The following SERPINB7 variants were observed in gnomAD, a reference collection of about 807,000 sequenced individuals.
SERPINB7 encodes the protein serpin B7.
In SERPINB7, 31 loss-of-function variants were observed where a neutral mutation model predicts 37.4. The ratio of observed to expected loss-of-function variants is 0.83; its 90% CI spans 0.62 to 1.12. The LOEUF is 1.12. SERPINB7 is among the 50% of genes most tolerant of loss of function. The pLI is 0.00. For synonymous variants in SERPINB7, 163 were observed against 166.1 expected (o/e 0.98, Z 0.14); for missense variants, 521 against 455.3 (o/e 1.14, Z -1.31).
At chr18:63,756,052 C>T (rs919873256) in intron 1 of SERPINB7, among the ~76,000 whole-genome samples, 1 of 150,902 alleles carries the variant, frequency 6.6e-6, no homozygotes, top group Non-Finnish European at 1.5e-5. Flanking sequence ...ACATCACTTA[C>T]AGCATAATAC....
chr18:63,783,226 G>GAAAGAA (rs1568207832), intron 2 of SERPINB7, among the ~76,000 whole-genome samples: 1 of 62,770 alleles, frequency 1.6e-5, no homozygotes, highest in African/African-American at 5.8e-5. Flanking sequence ...GAGAGAGAGA[G>GAAAGAA]AGAGAGAGAA....
chr18:63,772,211 A>G (rs1257281397), upstream of SERPINB7, among the ~76,000 whole-genome samples: 2 of 152,044 alleles, frequency 1.3e-5, no homozygotes, highest in African/African-American at 4.8e-5. Context: ...AATAATGTCT[A>G]AAGTTTCCTT....
chr18:63,803,913 C>T (rs1056923912), intron 7 of SERPINB7, among the ~76,000 whole-genome samples: 13 of 152,186 alleles, frequency 8.5e-5, no homozygotes, highest in African/African-American at 3.1e-4. Context: ...CTCTAATGGT[C>T]TCAAATTCCC....
At chr18:63,788,763 C>A (rs186221401) in intron 2 of SERPINB7, among the ~76,000 whole-genome samples, 1 of 152,298 alleles carries the variant, frequency 6.6e-6, no homozygotes, top group Non-Finnish European at 1.5e-5. Context: ...CTTTTCTATT[C>A]TTAGATGTAT....
chr18:63,798,094 T>C (rs1208548989), intron 5 of SERPINB7, among the ~76,000 whole-genome samples: 1 of 152,260 alleles, frequency 6.6e-6, no homozygotes, highest in African/African-American at 2.4e-5. Context: ...AGCTCAATGA[T>C]GGCACAGGCT....
intron 1 of SERPINB7, among the ~76,000 whole-genome samples, chr18:63,753,675 T>A (rs1488585688): frequency 1.3e-5 from 2 of 152,234 alleles, no homozygotes; most frequent in Non-Finnish European, 2.9e-5. Context: ...AATACAACCA[T>A]GATGATAATT....
intron 2 of SERPINB7, among the ~76,000 whole-genome samples, chr18:63,790,884 C>T (rs926371707): frequency 6.6e-6 from 1 of 152,144 alleles, no homozygotes; most frequent in Non-Finnish European, 1.5e-5. Context: ...GACTTGGAAC[C>T]AACCCAAATG....
intron 6 of SERPINB7, among the ~76,000 whole-genome samples, chr18:63,799,808 G>T (rs1014805993): frequency 6.6e-6 from 1 of 152,116 alleles, no homozygotes; most frequent in African/African-American, 2.4e-5. Flanking sequence ...TTGGTTCAAG[G>T]ACAGAGAATT....
intron 1 of SERPINB7, among the ~76,000 whole-genome samples, chr18:63,777,121 C>T (rs1177706227): frequency 2.0e-5 from 3 of 152,064 alleles, no homozygotes; most frequent in African/African-American, 4.8e-5. Context: ...GGACAGCTCA[C>T]CTGCCTCCCT....
chr18:63,769,488 T>C (rs1242709457), intron 1 of SERPINB7, among the ~76,000 whole-genome samples: 1 of 152,188 alleles, frequency 6.6e-6, no homozygotes, highest in South Asian at 2.1e-4. Flanking sequence ...TTTTGCCATA[T>C]GAATTGAGAC....
intron 1 of SERPINB7, chr18:63,777,813 T>C (rs2049263470): frequency 6.6e-6 from 1 of 151,846 alleles, no homozygotes; most frequent in African/African-American, 2.4e-5. Flanking sequence ...ACTTCCTCTA[T>C]GAAGACAGTA....
At chr18:63,794,220 C>T (rs2049461365) in intron 4 of SERPINB7, among the ~76,000 whole-genome samples, 1 of 151,118 alleles carries the variant, frequency 6.6e-6, no homozygotes, top group African/African-American at 2.4e-5. Flanking sequence ...CATCAGCCGC[C>T]CAAAGTGCTG....
intron 1 of SERPINB7, among the ~76,000 whole-genome samples, chr18:63,764,165 G>A (rs533597494): frequency 3.9e-5 from 6 of 152,104 alleles, no homozygotes; most frequent in Non-Finnish European, 8.8e-5. Flanking sequence ...AACCTGATAG[G>A]CTTGGATGAA....
At chr18:63,792,250 A>G (rs1012985376) in intron 2 of SERPINB7, 143 bp from the exon 3 acceptor site, 14 of 557,178 alleles carry the variant, frequency 2.5e-5, no homozygotes, top group Middle Eastern at 2.7e-4. Flanking sequence ...TCATGGGGAG[A>G]ATCTGCTCTA....
chr18:63,792,560 C>T, intron 3 of SERPINB7, 117 bp downstream of exon 3: 1 of 652,644 alleles, frequency 1.5e-6, no homozygotes, highest in Non-Finnish European at 2.7e-6. Flanking sequence ...CCCAGGAGTT[C>T]AAGACCAGCC....
At chr18:63,800,746 A>C in intron 6 of SERPINB7, 120 bp from the exon 7 acceptor site, 1 of 1,049,984 alleles carries the variant, frequency 9.5e-7, no homozygotes, top group Non-Finnish European at 1.4e-6. Context: ...TGTCAGGAAA[A>C]AATCTGCAGG....
At chr18:63,799,346 C>A (rs1052092229) in intron 6 of SERPINB7, among the ~76,000 whole-genome samples, 14 of 152,212 alleles carry the variant, frequency 9.2e-5, no homozygotes, top group African/African-American at 3.4e-4. Context: ...AAAGCTCTTG[C>A]AGTCAGGAAT....
At chr18:63,803,222 G>T (rs1224028347) in intron 7 of SERPINB7, among the ~76,000 whole-genome samples, 3 of 151,890 alleles carry the variant, frequency 2.0e-5, no homozygotes, top group African/African-American at 7.3e-5. Context: ...CGATGAGGAA[G>T]TTGGATCTCA....
rs138906867 is a variant in SERPINB7, at chr18:63,800,648, AGT to A, written c.598-217_598-216del. ...AACAGTAACTCACCCAAGGTCACAT[AGT>A]TAGGAAATTTTAAACTCAAGGAATC... On this transcript the variant is annotated intron_variant, in intron 6 of 7. Coordinates refer to ENST00000398019, the MANE Select transcript of SERPINB7 (RefSeq NM_003784.4). Among the ~76,000 whole-genome samples, 296 of 152,318 alleles carry A rather than the reference AGT, an allele frequency of 1.9e-3. 1 individual carries two copies. Among genetic ancestry groups the A allele is most frequent in the African/African-American group, 6.6e-3 (276 of 41,572 alleles).
Sources: allele counts gnomAD v4.1 joint callset (sites outside exome capture counted in the v4.1 genomes callset), GRCh38; gene constraint gnomAD v4.1.1; transcripts MANE v1.5; gene names NCBI Gene and HGNC (gene_info 2026-07-23, HGNC 2026-07-21).